The following CPA6 variants were observed in gnomAD, a reference collection of about 807,000 sequenced individuals.
CPA6 encodes carboxypeptidase B.
In CPA6, 58 loss-of-function variants were observed where a neutral mutation model predicts 63.3. The ratio of observed to expected loss-of-function variants is 0.92; its 90% confidence interval spans 0.74 to 1.14. The LOEUF is 1.14. CPA6 is among the 50% of genes most tolerant of loss of function. The probability of loss-of-function intolerance (pLI) is 0.00; values close to 1 mark genes in which losing one functional copy is unlikely to be tolerated. For synonymous variants in CPA6, 185 were observed against 179.0 expected, an observed-to-expected ratio of 1.03 and a Z score of -0.27; for missense variants, 565 against 526.6, an observed-to-expected ratio of 1.07 and a Z score of -0.71.
intron 1 of CPA6, among the ~76,000 whole-genome samples, chr8:67,721,798 G>A (rs1235648693): frequency 6.6e-6 from 1 of 152,158 alleles, no homozygotes; most frequent in Non-Finnish European, 1.5e-5. Context: ...TTTTATGGTA[G>A]GGGCTTTCAA....
At chr8:67,433,942 A>G (rs1346485003) in intron 9 of CPA6, 96 bp downstream of exon 9, 1 of 815,880 alleles carries the variant, frequency 1.2e-6, no homozygotes, top group Non-Finnish European at 2.1e-6. Flanking sequence ...GATAAACACA[A>G]ACATGTGTTT....
chr8:67,618,827 G>A (rs1352129220), intron 2 of CPA6, among the ~76,000 whole-genome samples: 1 of 152,214 alleles, frequency 6.6e-6, no homozygotes, highest in African/African-American at 2.4e-5. Flanking sequence ...TAGGCAGAAT[G>A]TGGTGTAGGG....
At chr8:67,682,410 C>T (rs1315643995) in intron 1 of CPA6, among the ~76,000 whole-genome samples, 1 of 152,136 alleles carries the variant, frequency 6.6e-6, no homozygotes, top group Admixed American at 6.5e-5. Flanking sequence ...TGTGTCTCTA[C>T]TTACATGTTT....
rs780169116 is a variant in CPA6 at position 67,613,267 on chromosome 8, T to C, written c.192+10909A>G. On this transcript the variant is annotated intron_variant, in intron 2 of 10. Transcript: ENST00000297770. ...TGATTGAAAATAAATTATGCATATG[T>C]TCCTGATGAGAATCCAAGTTAGTGT... 2.0e-5 allele frequency among the ~76,000 whole-genome samples: 3 copies of C among 152,246 alleles called. No homozygotes were observed. The South Asian group carries it at 6.2e-4, about 32-fold the overall frequency.
intron 8 of CPA6, among the ~76,000 whole-genome samples, chr8:67,447,394 A>G (rs1810449826): frequency 6.6e-6 from 1 of 152,218 alleles, no homozygotes; most frequent in Non-Finnish European, 1.5e-5. Context: ...ACCTGAAAGA[A>G]ACAATAATGC....
intron 8 of CPA6, among the ~76,000 whole-genome samples, chr8:67,457,401 C>A (rs773299173): frequency 6.6e-6 from 1 of 152,168 alleles, no homozygotes; most frequent in Non-Finnish European, 1.5e-5. Flanking sequence ...TTGGTCAAAG[C>A]CCTTTAACTG....
chr8:67,607,131 TCCTCCC>T (rs1564021116), intron 2 of CPA6, among the ~76,000 whole-genome samples: 30 of 61,470 alleles, frequency 4.9e-4, no homozygotes, highest in African/African-American at 6.0e-4. Context: ...CTCCTCCTCC[TCCTCCC>T]CCTCCTCCCC....
intron 2 of CPA6, among the ~76,000 whole-genome samples, chr8:67,585,650 G>A (rs1255654257): frequency 6.6e-6 from 1 of 152,070 alleles, no homozygotes; most frequent in Non-Finnish European, 1.5e-5. Flanking sequence ...GAAGATAGGT[G>A]CTAGATATAT....
chr8:67,448,671 A>G (rs1356191724), intron 8 of CPA6, among the ~76,000 whole-genome samples: 6 of 147,562 alleles, frequency 4.1e-5, no homozygotes, highest in African/African-American at 1.3e-4. Flanking sequence ...AACGAAAAAG[A>G]AAAAAAAAGA....
At chr8:67,619,049 T>C (rs1364171123) in intron 2 of CPA6, among the ~76,000 whole-genome samples, 1 of 152,208 alleles carries the variant, frequency 6.6e-6, no homozygotes, top group Non-Finnish European at 1.5e-5. Context: ...AGCAGTTCTA[T>C]GTCTAATTAA....
At chr8:67,691,165 G>A (rs1361401769) in intron 1 of CPA6, among the ~76,000 whole-genome samples, 1 of 152,172 alleles carries the variant, frequency 6.6e-6, no homozygotes, top group Non-Finnish European at 1.5e-5. Context: ...CCAAATATTT[G>A]TCTCTTAGCC....
chr8:67,525,128 T>A (rs1388993828), intron 2 of CPA6, among the ~76,000 whole-genome samples: 1 of 152,192 alleles, frequency 6.6e-6, no homozygotes, highest in Admixed American at 6.5e-5. Flanking sequence ...AAGATTATGG[T>A]CTTCTGTGAA....
At chr8:67,712,208 G>T (rs7014010) in intron 1 of CPA6, among the ~76,000 whole-genome samples, 3,665 of 152,164 alleles carry the variant, frequency 0.024, 169 homozygotes, top group African/African-American at 0.084. Context: ...TGCAGATTGG[G>T]TAGAGAGAAA....
chr8:67,653,884 T>G (rs920281053), intron 1 of CPA6, among the ~76,000 whole-genome samples: 32 of 151,886 alleles, frequency 2.1e-4, no homozygotes, highest in African/African-American at 7.5e-4. Flanking sequence ...GGGTTTGTCA[T>G]AGATAGCTCT....
intron 2 of CPA6, among the ~76,000 whole-genome samples, chr8:67,532,900 A>G (rs1490310111): frequency 6.6e-6 from 1 of 152,198 alleles, no homozygotes; most frequent in Non-Finnish European, 1.5e-5. Context: ...GAACAAGGCA[A>G]GGGACATTTG....
At chr8:67,745,092 TC>T (rs1817983373) in intron 1 of CPA6, among the ~76,000 whole-genome samples, 1 of 152,176 alleles carries the variant, frequency 6.6e-6, no homozygotes, top group South Asian at 2.1e-4. Context: ...CACTACCTTG[TC>T]ATGATCCAGA....
In CPA6 at chr8:67,422,701, A is replaced by G; in HGVS notation, c.1127-10T>C. The G allele has an allele frequency of 6.3e-7, 1 of 1,591,444 alleles. No homozygotes were observed. ...CTACCAGAGCTCACATCTAAAAGTTAAAACAAAAAAAAAAAGATCAGCCTC... is the reference window on the plus strand; with the variant it reads ...CTACCAGAGCTCACATCTAAAAGTTGAAACAAAAAAAAAAAGATCAGCCTC... On this transcript the variant is annotated splice_polypyrimidine_tract_variant and intron_variant, in intron 10 of 10. Transcript: ENST00000297770.
intron 2 of CPA6, among the ~76,000 whole-genome samples, chr8:67,531,402 A>G (rs1812475158): frequency 6.6e-6 from 1 of 152,148 alleles, no homozygotes; most frequent in African/African-American, 2.4e-5. Flanking sequence ...GTTGAAAATT[A>G]AATAATGAAA....
intron 6 of CPA6, among the ~76,000 whole-genome samples, chr8:67,497,873 G>A (rs1480035697): frequency 6.6e-6 from 1 of 152,080 alleles, no homozygotes; most frequent in African/African-American, 2.4e-5. Context: ...TGTATTTTTA[G>A]TAGAGAAGGG....
Sources: allele counts gnomAD v4.1 joint callset (sites outside exome capture counted in the v4.1 genomes callset), GRCh38; gene constraint gnomAD v4.1.1; transcripts MANE v1.5; gene names NCBI Gene and HGNC (gene_info 2026-07-23, HGNC 2026-07-21).